ARL15: variants seen among roughly 807,000 people sequenced by gnomAD.
The protein encoded by ARL15 is ADP-ribosylation factor-like protein 15.
A neutral mutation model predicts 25.2 loss-of-function variants in ARL15; 19 were observed. That is an observed-to-expected ratio of 0.75 (90% confidence interval 0.53 to 1.10). The LOEUF is 1.10. ARL15 is among the 50% of genes least tolerant of loss of function. The pLI is 0.00. For missense variants in ARL15, 220 were observed against 246.0 expected (o/e 0.89, Z 0.71); for synonymous variants, 94 against 86.8 (o/e 1.08, Z -0.46).
intron 1 of ARL15, among the ~76,000 whole-genome samples, chr5:54,200,991 A>T (rs114617207): frequency 0.011 from 1,640 of 152,220 alleles, 32 homozygotes; most frequent in African/African-American, 0.037. Context: ...TGATCACGAT[A>T]CATACAACAC....
chr5:54,226,787 G>A (rs1380414160), intron 1 of ARL15, among the ~76,000 whole-genome samples: 3 of 152,128 alleles, frequency 2.0e-5, no homozygotes, highest in Non-Finnish European at 4.4e-5. Context: ...ATCTGATACG[G>A]TGTGGCTATG....
chr5:54,041,157 G>T (rs1192733838), intron 4 of ARL15, among the ~76,000 whole-genome samples: 60 of 152,160 alleles, frequency 3.9e-4, no homozygotes, highest in Admixed American at 3.9e-3. Context: ...ACCATCCTCA[G>T]TCTCATCAAA....
chr5:54,282,407 C>T (rs1327419816), intron 1 of ARL15: 4 of 985,238 alleles, frequency 4.1e-6, no homozygotes, highest in Non-Finnish European at 4.8e-6. Flanking sequence ...CTCTTGTTTC[C>T]CTCTTTAAAG....
intron 4 of ARL15, among the ~76,000 whole-genome samples, chr5:53,893,390 A>C (rs992738364): frequency 1.3e-5 from 2 of 152,110 alleles, no homozygotes; most frequent in Non-Finnish European, 2.9e-5. Flanking sequence ...GCGGATCATG[A>C]GGTCAGGAGA....
At chr5:53,918,352 A>AT (rs1231974723) in intron 4 of ARL15, among the ~76,000 whole-genome samples, 17 of 151,132 alleles carry the variant, frequency 1.1e-4, no homozygotes, top group Admixed American at 4.0e-4. Context: ...TGCCTGGCTA[A>AT]TTTTTTTTTA....
intron 2 of ARL15, among the ~76,000 whole-genome samples, chr5:54,166,740 GATA>G (rs1039722839): frequency 2.6e-5 from 4 of 152,010 alleles, no homozygotes; most frequent in African/African-American, 9.7e-5. Flanking sequence ...ACAATACAGT[GATA>G]ATAACAGTTT....
Position 54,096,771 on chromosome 5 carries a change from T to A in ARL15, c.462+16431A>T, listed in dbSNP as rs79286625. 6.8e-3 allele frequency among the ~76,000 whole-genome samples: 1,038 copies of A among 152,264 alleles called. 10 individuals carry two copies. Among genetic ancestry groups the A allele is most frequent in the Middle Eastern group, 0.02 (6 of 294 alleles). On this transcript the variant is annotated intron_variant, in intron 4 of 4. Coordinates refer to ENST00000504924, the MANE Select transcript of ARL15 (RefSeq NM_019087.3). ...AAATTCTAAACCAAGGTATTTCTCATCTTTGAAAAAGTTGCTTTTGCCAAT... is the reference window on the plus strand; with the variant it reads ...AAATTCTAAACCAAGGTATTTCTCAACTTTGAAAAAGTTGCTTTTGCCAAT...
chr5:53,902,880 C>G (rs189611115), intron 4 of ARL15, among the ~76,000 whole-genome samples: 18 of 152,222 alleles, frequency 1.2e-4, no homozygotes, highest in Non-Finnish European at 1.5e-4. Context: ...GGGCAGGGAG[C>G]TGAGGCAGAA....
At chr5:54,033,533 G>C (rs183902143) in intron 4 of ARL15, among the ~76,000 whole-genome samples, 106 of 151,538 alleles carry the variant, frequency 7.0e-4, no homozygotes, top group African/African-American at 2.5e-3. Flanking sequence ...TTAACTGGGT[G>C]TGGTGGCGCA....
intron 4 of ARL15, among the ~76,000 whole-genome samples, chr5:53,922,646 C>A (rs940208461): frequency 6.6e-6 from 1 of 152,096 alleles, no homozygotes; most frequent in African/African-American, 2.4e-5. Flanking sequence ...GAGGTCCCAG[C>A]GGGGAGGAAA....
intron 4 of ARL15, among the ~76,000 whole-genome samples, chr5:53,942,160 T>C (rs1032438899): frequency 1.3e-5 from 2 of 151,892 alleles, no homozygotes; most frequent in African/African-American, 4.8e-5. Context: ...GTCTTGCTCA[T>C]GTGGGCACTG....
intron 4 of ARL15, among the ~76,000 whole-genome samples, chr5:53,995,303 C>CAAAAA (rs34234639): frequency 1.2e-3 from 52 of 44,540 alleles, no homozygotes; most frequent in Admixed American, 2.5e-3. Context: ...GACTCCGTCA[C>CAAAAA]AAAAAAAAAA....
chr5:54,215,932 A>C (rs891482257), intron 1 of ARL15, among the ~76,000 whole-genome samples: 1 of 152,208 alleles, frequency 6.6e-6, no homozygotes, highest in Non-Finnish European at 1.5e-5. Flanking sequence ...CTTTCTCATT[A>C]AACTGCACTG....
chr5:54,046,998 C>T (rs1425839016), intron 4 of ARL15, among the ~76,000 whole-genome samples: 1 of 152,150 alleles, frequency 6.6e-6, no homozygotes, highest in African/African-American at 2.4e-5. Flanking sequence ...CACTGTCATG[C>T]TTCAATCTCT....
chr5:53,971,272 A>G (rs888586783), intron 4 of ARL15, among the ~76,000 whole-genome samples: 7 of 152,166 alleles, frequency 4.6e-5, no homozygotes, highest in African/African-American at 1.7e-4. Context: ...TAGACAGACT[A>G]TCCAAACAGC....
chr5:53,946,160 AATGAC>A (rs1746722268), intron 4 of ARL15, among the ~76,000 whole-genome samples: 1 of 152,194 alleles, frequency 6.6e-6, no homozygotes. Context: ...TTTGGGCTAA[AATGAC>A]ATAATAGGCT....
chr5:54,297,213 C>A (rs563925083), intron 1 of ARL15, among the ~76,000 whole-genome samples: 1 of 152,180 alleles, frequency 6.6e-6, no homozygotes, highest in African/African-American at 2.4e-5. Context: ...GCAGACTGGA[C>A]CCCCCTCAAG....
At chr5:54,142,763 A>C (rs1422892460) in intron 3 of ARL15, among the ~76,000 whole-genome samples, 2 of 152,212 alleles carry the variant, frequency 1.3e-5, no homozygotes, top group African/African-American at 4.8e-5. Flanking sequence ...GTCTACTGGA[A>C]GTGAAAAAAA....
chr5:54,076,643 A>G (rs1260341451), intron 4 of ARL15, among the ~76,000 whole-genome samples: 2 of 152,150 alleles, frequency 1.3e-5, no homozygotes, highest in African/African-American at 4.8e-5. Context: ...TCACCTTCTC[A>G]AGGCCAAAAC....
Sources: allele counts gnomAD v4.1 joint callset (sites outside exome capture counted in the v4.1 genomes callset), GRCh38; gene constraint gnomAD v4.1.1; transcripts MANE v1.5; gene names NCBI Gene and HGNC (gene_info 2026-07-23, HGNC 2026-07-21).